Variants in ATP5PD observed in about 807,000 individuals in gnomAD.
ATP5PD encodes ATP synthase peripheral stalk subunit d, mitochondrial.
A neutral mutation model predicts 22.6 loss-of-function variants in ATP5PD; 13 were observed. The ratio of observed to expected loss-of-function variants is 0.58; its 90% CI spans 0.37 to 0.91. The LOEUF (loss-of-function observed/expected upper bound fraction) is 0.91, where lower values mean the gene tolerates loss of function less well. Among genes scored for constraint, ATP5PD ranks in the 40% least tolerant of loss-of-function variants. The pLI, the probability that ATP5PD is intolerant of heterozygous loss-of-function variation, is 0.00. For missense variants in ATP5PD, 165 were observed against 188.0 expected, an observed-to-expected ratio of 0.88 and a Z score of 0.72; for synonymous variants, 51 against 65.0, an observed-to-expected ratio of 0.79 and a Z score of 1.03.
intron 1 of ATP5PD, among the ~76,000 whole-genome samples, chr17:75,046,040 G>A (rs2073212186): frequency 1.3e-5 from 2 of 152,232 alleles, no homozygotes; most frequent in Admixed American, 1.3e-4. Flanking sequence ...TGGGGTCCCT[G>A]ATTTCCCGCA....
intron 1 of ATP5PD, 102 bp from the exon 2 acceptor site, chr17:75,042,761 T>C: frequency 8.2e-7 from 1 of 1,223,796 alleles, no homozygotes; most frequent in African/African-American, 1.5e-5. Flanking sequence ...GAGAATCCTT[T>C]AAATCTTAGA....
At chr17:75,043,093 G>A (rs1447321184) in intron 1 of ATP5PD, among the ~76,000 whole-genome samples, 3 of 151,908 alleles carry the variant, frequency 2.0e-5, no homozygotes, top group East Asian at 1.9e-4. Context: ...GTGGTGGCCC[G>A]CGCCATAATC....
At chr17:75,043,995 C>T (rs2073186418) in intron 1 of ATP5PD, among the ~76,000 whole-genome samples, 1 of 151,652 alleles carries the variant, frequency 6.6e-6, no homozygotes, top group African/African-American at 2.4e-5. Flanking sequence ...TCGGATTATA[C>T]CCTAGCAGCA....
chr17:75,042,137 C>G (rs765385788), intron 3 of ATP5PD, 44 bp downstream of exon 3: 1 of 1,531,672 alleles, frequency 6.5e-7, no homozygotes, highest in South Asian at 1.1e-5. Context: ...TCCCTACCCA[C>G]AGGCATGTTA....
rs746722852 is a variant in ATP5PD, at chr17:75,042,180, CCTT to C, written c.217_219del (p.Lys73del). On this transcript the variant is annotated inframe_deletion and splice_region_variant, in exon 3 of 6. Transcript: ENST00000301587. ...AGTGCTTTAGAGGTGTGAAGTCTCA[CCTT>C]CTTCTCAAAGTCATCCACCAAGCCA... The C allele has an allele frequency of 5.6e-6, 9 of 1,613,578 alleles. No individual in the cohort carries two copies. The highest frequency in any genetic ancestry group is 7.6e-6 in the Non-Finnish European group (9 of 1,179,660).
rs2073173186 is a variant in ATP5PD at position 75,042,688 on chromosome 17, C to T, written c.-9-29G>A. ...AAAAATAAGTCAAATAAAAACAAGG[C>T]TTTTTTATGAGGTGAATTTTCAGTT... On this transcript the variant is annotated intron_variant, in intron 1 of 5. Transcript: ENST00000301587. 2.5e-6 allele frequency: 4 copies of T among 1,582,416 alleles called. No homozygotes were observed. The East Asian group carries it at 9.0e-5, about 35-fold the overall frequency.
intron 1 of ATP5PD, among the ~76,000 whole-genome samples, chr17:75,045,908 A>G (rs2073210491): frequency 1.3e-5 from 2 of 152,230 alleles, no homozygotes; most frequent in Admixed American, 1.3e-4. Context: ...ATTTATGTTT[A>G]GAGATTGCAG....
chr17:75,046,729 C>T (rs879425229), intron 1 of ATP5PD, among the ~76,000 whole-genome samples, 196 bp downstream of exon 1: 2 of 152,258 alleles, frequency 1.3e-5, no homozygotes, highest in Non-Finnish European at 2.9e-5. Flanking sequence ...CCCCCCTGAC[C>T]CCGCGCGCCA....
At position 75,038,954 on chromosome 17, in the gene ATP5PD, T is replaced by G. The variant is rs1217437097; in HGVS notation, c.464A>C (p.His155Pro). The G allele has an allele frequency of 1.7e-5, 27 of 1,613,602 alleles. No homozygotes were observed. Among genetic ancestry groups the G allele is most frequent in the Non-Finnish European group, 1.9e-5 (22 of 1,179,856 alleles). The change falls in exon 6 of 6, where the codon CAC (histidine) becomes CCC (proline). Residue 155 changes from histidine to proline, a missense_variant. Physicochemically the swap from His to Pro is moderately conservative, Grantham distance 77. Transcript: ENST00000301587. ...ATTTTATAAATTCTCAATTGGTTGG[T>G]GAGGCCAATAGGGATACTTTTTCTT... ...LDKKKYPYWP[H>P]QPIENL
At chr17:75,043,607 G>A (rs1397420666) in intron 1 of ATP5PD, among the ~76,000 whole-genome samples, 1 of 125,550 alleles carries the variant, frequency 8.0e-6, no homozygotes, top group Non-Finnish European at 1.6e-5. Flanking sequence ...GTGAGACTCT[G>A]TCTCAAAAAA....
At chr17:75,039,971 A>G (rs757690780) in intron 4 of ATP5PD, 121 bp downstream of exon 4, 34 of 1,023,776 alleles carry the variant, frequency 3.3e-5, no homozygotes, top group Non-Finnish European at 4.9e-5. Flanking sequence ...TTTATTGACA[A>G]GTCATTCCTT....
chr17:75,042,000 C>G, intron 3 of ATP5PD, 181 bp downstream of exon 3: 1 of 560,278 alleles, frequency 1.8e-6, no homozygotes. Context: ...GCTGAATGAA[C>G]AGAGCCTAAA....
rs143915019 is a variant in ATP5PD, at chr17:75,042,221, T to C, written c.179A>G (p.Asn60Ser). Residue 60 changes from asparagine (N) to serine (S), a missense_variant, in exon 3 of 6, where the codon AAT becomes AGT. Transcript: ENST00000301587. Reference sequence around the variant, plus strand: ...ATCCACCAAGCCAGCCTTGGCCACATTGGCCTTGTAGTAAGCCCAGTCGAT... The same window carrying C: ...ATCCACCAAGCCAGCCTTGGCCACACTGGCCTTGTAGTAAGCCCAGTCGAT... ...PAIDWAYYKA[N>S]VAKAGLVDDF... The C allele has an allele frequency of 3.2e-5, 51 of 1,614,234 alleles. No homozygotes were observed. Among genetic ancestry groups the C allele is most frequent in the Admixed American group, 1.2e-4 (7 of 60,030 alleles).
At chr17:75,039,350 A>C (rs948014773) in intron 4 of ATP5PD, 79 bp from the exon 5 acceptor site, 3 of 1,277,208 alleles carry the variant, frequency 2.3e-6, no homozygotes, top group African/African-American at 2.9e-5. Flanking sequence ...GAGTCGTCCC[A>C]GCCCACTCCT....
intron 3 of ATP5PD, chr17:75,040,794 G>A (rs1447703223): frequency 6.6e-6 from 1 of 151,894 alleles, no homozygotes; most frequent in African/African-American, 2.4e-5. Context: ...GCTGAGGCAA[G>A]AGAACTGCTT....
intron 3 of ATP5PD, chr17:75,040,408 G>T: frequency 2.0e-6 from 1 of 489,156 alleles, no homozygotes; most frequent in Admixed American, 3.7e-5. Flanking sequence ...TCGGAACCCT[G>T]GACAATTCTT....
intron 4 of ATP5PD, chr17:75,039,488 C>G: frequency 1.9e-6 from 1 of 535,848 alleles, no homozygotes; most frequent in South Asian, 2.3e-5. Flanking sequence ...AGGATGGCAG[C>G]ACCCGGCTGC....
At position 75,046,860 on chromosome 17, in the gene ATP5PD, G is replaced by GT. The variant is rs1180048228; in HGVS notation, c.-10+64dup. 1.3e-5 allele frequency: 2 copies of GT among 152,800 alleles called. 1 individual carries two copies. Among genetic ancestry groups the GT allele is most frequent in the Middle Eastern group, 6.3e-3 (2 of 320 alleles). 9.5% of individuals were successfully genotyped at this position (152,800 alleles called of 1,614,324 possible). ...GGGGCGTGACAAGGGTCGGCGTGAG[G>GT]TTTGGAGAGGGCAGAGCAGAGGAGC... On this transcript the variant is annotated intron_variant, in intron 1 of 5. Transcript: ENST00000301587.
chr17:75,044,063 C>T (rs2073187577), intron 1 of ATP5PD, among the ~76,000 whole-genome samples: 1 of 147,940 alleles, frequency 6.8e-6, no homozygotes, highest in Non-Finnish European at 1.5e-5. Flanking sequence ...TTCACTCTGT[C>T]CCCCGGGCTG....
Sources: allele counts gnomAD v4.1 joint callset (sites outside exome capture counted in the v4.1 genomes callset), GRCh38; gene constraint gnomAD v4.1.1; transcripts MANE v1.5; gene names NCBI Gene and HGNC (gene_info 2026-07-23, HGNC 2026-07-21).